SNX27: variants seen among roughly 807,000 people sequenced by gnomAD.
SNX27 encodes the protein sorting nexin-27.
In SNX27, 22 loss-of-function variants were observed where a neutral mutation model predicts 71.6. The ratio of observed to expected loss-of-function variants is 0.31; its 90% CI spans 0.22 to 0.44. The LOEUF (loss-of-function observed/expected upper bound fraction) is 0.44. Among genes scored for constraint, SNX27 ranks in the 20% least tolerant of loss-of-function variants. The pLI, the probability that SNX27 is intolerant of heterozygous loss-of-function variation, is 1.00. For synonymous variants in SNX27, 269 were observed against 277.2 expected (o/e 0.97, Z 0.29); for missense variants, 531 against 698.6 (o/e 0.76, Z 2.70).
intron 1 of SNX27, among the ~76,000 whole-genome samples, chr1:151,628,068 G>A (rs971958145): frequency 1.4e-4 from 21 of 148,672 alleles, no homozygotes; most frequent in African/African-American, 5.2e-4. Flanking sequence ...GTGCAGTGGT[G>A]CAATCTTGGC....
rs1451286717 is a variant in SNX27 at position 151,638,808 on chromosome 1, GT to G, written c.312-77del. On this transcript the variant is annotated intron_variant, in intron 1 of 11. Coordinates refer to ENST00000458013, the MANE Select transcript of SNX27 (RefSeq NM_001330723.2). ...ATGGTTCATACCGTGTGACACTGGA[GT>G]TTGGGCAGGAGGGTGGAGATACAAG... 3 of 1,302,966 alleles carry G rather than the reference GT, an allele frequency of 2.3e-6. No homozygotes were observed. In the Admixed American group the frequency reaches 5.4e-5, roughly 23 times the overall value. 80.7% of individuals were successfully genotyped at this position (1,302,966 alleles called of 1,614,324 possible).
At chr1:151,663,436 C>T (rs1171084265) in intron 5 of SNX27, among the ~76,000 whole-genome samples, 1 of 152,128 alleles carries the variant, frequency 6.6e-6, no homozygotes, top group Non-Finnish European at 1.5e-5. Context: ...AGGCATGAGC[C>T]ACCACCCCGG....
At chr1:151,632,991 C>T (rs577199073) in intron 1 of SNX27, among the ~76,000 whole-genome samples, 5 of 152,044 alleles carry the variant, frequency 3.3e-5, no homozygotes, top group Admixed American at 3.3e-4. Context: ...CCTGCCTCAG[C>T]CTCCCTAGTA....
intron 8 of SNX27, among the ~76,000 whole-genome samples, chr1:151,691,561 C>T (rs952175821): frequency 1.3e-5 from 2 of 149,960 alleles, no homozygotes; most frequent in African/African-American, 4.9e-5. Flanking sequence ...ACCTCTGCCT[C>T]CTGGGTTCAA....
At chr1:151,687,264 A>G (rs1020266166) in intron 8 of SNX27, among the ~76,000 whole-genome samples, 2 of 152,158 alleles carry the variant, frequency 1.3e-5, no homozygotes, top group Non-Finnish European at 2.9e-5. Context: ...CATAATTTGT[A>G]TTGATTTCAC....
At chr1:151,617,397 G>T (rs1047427353) in intron 1 of SNX27, among the ~76,000 whole-genome samples, 3 of 152,138 alleles carry the variant, frequency 2.0e-5, no homozygotes, top group Admixed American at 2.0e-4. Flanking sequence ...CCCTGCCTCA[G>T]CTTCCCAAGC....
Position 151,612,641 on chromosome 1 carries a change from T to G in SNX27, c.311+129T>G. The G allele has an allele frequency of 1.5e-6, 1 of 658,174 alleles. No homozygotes were observed. Among genetic ancestry groups the G allele is most frequent in the Non-Finnish European group, 2.1e-6 (1 of 484,816 alleles). 40.8% of individuals were successfully genotyped at this position (658,174 alleles called of 1,614,324 possible). ...GAGCCGGCCTCCGGACCCCCGCCCC[T>G]CAGGCCTCCGCAGCCGGGCCCCTCC... On this transcript the variant is annotated intron_variant, in intron 1 of 11. Transcript: ENST00000458013. The surrounding 1 kb of genome is among the most constrained non-coding windows in gnomAD (Gnocchi z 5.2).
chr1:151,653,682 TA>T (rs1033358911), intron 2 of SNX27, among the ~76,000 whole-genome samples: 1 of 151,974 alleles, frequency 6.6e-6, no homozygotes, highest in African/African-American at 2.4e-5. Flanking sequence ...CACATCTGGC[TA>T]ATTTTTTTTT....
intron 2 of SNX27, among the ~76,000 whole-genome samples, chr1:151,646,409 A>G (rs1197066730): frequency 6.6e-6 from 1 of 151,750 alleles, no homozygotes; most frequent in Non-Finnish European, 1.5e-5. Flanking sequence ...TCTATGTTGT[A>G]TCATTATTTA....
In SNX27 at chr1:151,696,386, TCTA is replaced by T. The variant is rs1671706542; in HGVS notation, c.*1973_*1975del. On this transcript the variant is annotated 3_prime_UTR_variant, in exon 12 of 12. Transcript: ENST00000458013. ...ACAGTCATAATTGGTTGTAGTCAAT[TCTA>T]CTAAGCAGTGTTGGGGTGGTTGGAA... 1 of 152,228 alleles carries T rather than the reference TCTA, an allele frequency of 6.6e-6. No homozygotes were observed. The highest frequency in any genetic ancestry group is 2.4e-5 in the African/African-American group (1 of 41,468). The allele number at this position is 152,228 out of a possible 1,614,324, so 9.4% of individuals were successfully genotyped here.
chr1:151,692,915 AG>A lies in SNX27; in HGVS notation c.1396del (p.Val466Ter). On this transcript the variant is annotated frameshift_variant, in exon 10 of 12. Coordinates refer to ENST00000458013, the MANE Select transcript of SNX27 (RefSeq NM_001330723.2). LOFTEE classifies it high-confidence loss of function. Reference sequence around the variant, plus strand: ...TCCCTTGTCTTGGTTGTCCAGAACCAGGTAATTGCATTTGAATGGGATGAGA... The same window carrying A: ...TCCCTTGTCTTGGTTGTCCAGAACCAGTAATTGCATTTGAATGGGATGAGA... ...ACTEEGQLEN[Q>X]VIAFEWDEMQ... 1 of 1,614,194 alleles carries A rather than the reference AG, an allele frequency of 6.2e-7. No homozygotes were observed. Among genetic ancestry groups the A allele is most frequent in the Non-Finnish European group, 8.5e-7 (1 of 1,180,014 alleles).
intron 1 of SNX27, among the ~76,000 whole-genome samples, chr1:151,619,793 C>T (rs1417438929): frequency 6.6e-6 from 1 of 152,130 alleles, no homozygotes; most frequent in African/African-American, 2.4e-5. Context: ...TTTGGTTCCA[C>T]AAGTAAGCAC....
rs564934034 is a variant in SNX27 at position 151,612,926 on chromosome 1, C to T, written c.311+414C>T. 1.1e-4 allele frequency among the ~76,000 whole-genome samples: 16 copies of T among 152,146 alleles called. No individual in the cohort carries two copies. The highest frequency in any genetic ancestry group is 2.7e-4 in the African/African-American group (11 of 41,480). Reference sequence around the variant, plus strand: ...TGATCCAGCCAGTACCGTGTCCCCCCCAAGTTCTCATCTTCAGCATCGCAG... The same window carrying T: ...TGATCCAGCCAGTACCGTGTCCCCCTCAAGTTCTCATCTTCAGCATCGCAG... On this transcript the variant is annotated intron_variant, in intron 1 of 11. Transcript: ENST00000458013. This position sits in a 1 kb window ranked among gnomAD's most constrained non-coding sequence, Gnocchi z 5.2.
intron 8 of SNX27, among the ~76,000 whole-genome samples, chr1:151,691,484 T>C (rs78640366): frequency 1.1e-4 from 16 of 147,112 alleles, no homozygotes; most frequent in Non-Finnish European, 2.0e-4. Flanking sequence ...TTTTTTTTTT[T>C]CCTTGAGACA....
intron 10 of SNX27, 100 bp downstream of exon 10, chr1:151,693,139 G>A: frequency 6.7e-7 from 1 of 1,492,860 alleles, no homozygotes; most frequent in South Asian, 1.3e-5. Context: ...GCTAGTAGTT[G>A]TCTTGAGATC....
chr1:151,652,403 C>CT (rs993535169), intron 2 of SNX27, among the ~76,000 whole-genome samples: 1,639 of 133,260 alleles, frequency 0.012, 51 homozygotes, highest in African/African-American at 0.037. Context: ...GATACCACGC[C>CT]TTTTTTTTTT....
In SNX27 at chr1:151,646,489, C is replaced by T. The variant is rs940191619; in HGVS notation, c.543+7370C>T. Among the ~76,000 whole-genome samples, 5 of 150,774 alleles carry T rather than the reference C, an allele frequency of 3.3e-5. No homozygotes were observed. The South Asian group carries it at 1.0e-3, about 32-fold the overall frequency. ...TTTAAATGATTCTATTTTATCTCTA[C>T]TATTGTTTTATTAGGTATAATTTGT... On this transcript the variant is annotated intron_variant, in intron 2 of 11. Transcript: ENST00000458013.
At chr1:151,656,148 G>C (rs542414193) in intron 2 of SNX27, among the ~76,000 whole-genome samples, 1 of 151,448 alleles carries the variant, frequency 6.6e-6, no homozygotes, top group Non-Finnish European at 1.5e-5. Flanking sequence ...GCGTGAACCC[G>C]GGGGGCGGAG....
chr1:151,691,590 C>T (rs1381600451), intron 8 of SNX27, among the ~76,000 whole-genome samples: 2 of 151,416 alleles, frequency 1.3e-5, no homozygotes, highest in African/African-American at 4.8e-5. Flanking sequence ...CCTGCCTCAG[C>T]CTTCCGAGTA....
Sources: allele counts gnomAD v4.1 joint callset (sites outside exome capture counted in the v4.1 genomes callset), GRCh38; gene constraint gnomAD v4.1.1; non-coding constraint Gnocchi (gnomAD v3.1); transcripts MANE v1.5; gene names NCBI Gene and HGNC (gene_info 2026-07-23, HGNC 2026-07-21).